The following SYNE2 variants were observed in gnomAD, a reference collection of about 807,000 sequenced individuals.
SYNE2 encodes nesprin-2.
In SYNE2, 431 loss-of-function variants were observed where a neutral mutation model predicts 856.3. The ratio of observed to expected loss-of-function variants is 0.50; its 90% CI spans 0.47 to 0.55. SYNE2 has a LOEUF of 0.55. Ranked by LOEUF, SYNE2 falls within the 20% of genes least tolerant of loss-of-function variation. The pLI, the probability that SYNE2 is intolerant of heterozygous loss-of-function variation, is 0.00. For synonymous variants in SYNE2, 2,923 were observed against 2,872.3 expected (o/e 1.02, Z -0.56); for missense variants, 8,129 against 8,023.2 (o/e 1.01, Z -0.50).
intron 1 of SYNE2, among the ~76,000 whole-genome samples, chr14:63,905,159 T>G (rs1435779859): frequency 6.6e-6 from 1 of 152,214 alleles, no homozygotes; most frequent in African/African-American, 2.4e-5. Context: ...TTTTGTTCTA[T>G]TGGTCTTTGT....
Position 64,120,952 on chromosome 14 carries a change from C to T in SYNE2, c.13049C>T (p.Ser4350Leu). ...DQHPTILKKSSEPEHQEALQP... is the reference protein window; with the variant it reads ...DQHPTILKKSLEPEHQEALQP... ...CATCCTACCATTCTAAAGAAATCCTCAGAGCCAGAGCATCAAGAAGCTCTC... is the reference window on the plus strand; with the variant it reads ...CATCCTACCATTCTAAAGAAATCCTTAGAGCCAGAGCATCAAGAAGCTCTC... Residue 4350 changes from serine (S) to leucine (L), a missense_variant, in exon 68 of 116, where the codon TCA becomes TTA. By Grantham distance (145) the Ser-to-Leu change is moderately radical. Transcript: ENST00000555002. The T allele has an allele frequency of 1.9e-6, 3 of 1,614,154 alleles. No homozygotes were observed. The highest frequency in any genetic ancestry group is 2.2e-5 in the East Asian group (1 of 44,894).
intron 99 of SYNE2, chr14:64,190,886 T>C (rs1375152844): frequency 2.9e-6 from 2 of 694,918 alleles, no homozygotes; most frequent in Non-Finnish European, 5.3e-6. Flanking sequence ...GCCCAAAATT[T>C]TTAAATGTCT....
At chr14:64,025,107 TA>T (rs2096967711) in intron 40 of SYNE2, 22 bp from the exon 41 acceptor site, 1 of 1,613,940 alleles carries the variant, frequency 6.2e-7, no homozygotes, top group Non-Finnish European at 8.5e-7. Context: ...CTATAAACTT[TA>T]AGTGGTATTT....
At position 64,063,469 on chromosome 14, in the gene SYNE2, G is replaced by A. The variant is rs144914949; in HGVS notation, c.10212+574G>A. Among the ~76,000 whole-genome samples the A allele has an allele frequency of 5.3e-4, 81 of 152,312 alleles. 1 individual carries two copies. Among genetic ancestry groups the A allele is most frequent in the African/African-American group, 1.5e-3 (64 of 41,566 alleles). The stretch of plus-strand genomic sequence containing the variant: ...CAATAGCATCCTGTCCTCACTGATG[G>A]CTTTTCTAAAGCATCACCTCTCATG... On this transcript the variant is annotated intron_variant, in intron 50 of 115. Transcript: ENST00000555002.
chr14:64,163,537 G>T lies in SYNE2; in HGVS notation c.16435G>T (p.Ala5479Ser). 2 of 1,614,156 alleles carry T rather than the reference G, an allele frequency of 1.2e-6. No homozygotes were observed. Among genetic ancestry groups the T allele is most frequent in the Non-Finnish European group, 1.7e-6 (2 of 1,180,026 alleles). The change falls in exon 89 of 116, where the codon GCT becomes TCT. Residue 5479 changes from alanine (A) to serine (S), a missense_variant. Coordinates refer to ENST00000555002, the MANE Select transcript of SYNE2 (RefSeq NM_182914.3). ...PGPLHSLQRA[A>S]YLEKMLLVKA... The stretch of plus-strand genomic sequence containing the variant: ...CCCCCTGCACTCTCTCCAGAGGGCT[G>T]CTTATTTGGAAAAGATGCTGCTTGT...
chr14:64,150,568 G>C (rs193226564), intron 84 of SYNE2, among the ~76,000 whole-genome samples: 1 of 151,918 alleles, frequency 6.6e-6, no homozygotes, highest in Admixed American at 6.6e-5. Context: ...GTGTGTGTGT[G>C]TGTTGTTACT....
At chr14:63,818,083 C>T (rs925474448) in intron 1 of SYNE2, among the ~76,000 whole-genome samples, 16 of 145,998 alleles carry the variant, frequency 1.1e-4, no homozygotes, top group Non-Finnish European at 1.9e-4. Flanking sequence ...AAGTGGCTCA[C>T]GCCTGTGATC....
chr14:64,219,497 G>A (rs117485241), intron 110 of SYNE2, 87 bp downstream of exon 110: 16,146 of 1,327,064 alleles, frequency 0.012, 137 homozygotes, highest in Non-Finnish European at 0.015. Flanking sequence ...CCATGTATTC[G>A]TGGCATAGGC....
intron 81 of SYNE2, among the ~76,000 whole-genome samples, 194 bp from the exon 82 acceptor site, chr14:64,141,748 A>G (rs569135015): frequency 2.0e-5 from 3 of 152,046 alleles, no homozygotes; most frequent in African/African-American, 2.4e-5. Context: ...CCACTGTGTT[A>G]GTTTATGTGA....
chr14:64,052,891 G>T lies in SYNE2; in HGVS notation c.8978G>T (p.Cys2993Phe). Reference protein sequence around the residue: ...NLKDRLTAIKCCILQVLKLKK... With the variant: ...NLKDRLTAIKFCILQVLKLKK... ...AAAGACAGACTCACCGCTATTAAGT[G>T]TTGCATCTTACAGGTATTGAAACTT... Residue 2993 changes from cysteine to phenylalanine, a missense_variant, in exon 48 of 116, where the codon TGT becomes TTT. By Grantham distance (205) the Cys-to-Phe change is radical (BLOSUM62 -2). Transcript: ENST00000555002. 1.9e-6 allele frequency: 3 copies of T among 1,613,732 alleles called. No individual in the cohort carries two copies. Among genetic ancestry groups the T allele is most frequent in the Non-Finnish European group, 2.5e-6 (3 of 1,179,952 alleles).
rs758178622 is a variant in SYNE2 at position 64,209,924 on chromosome 14, C to A, written c.18541-18C>A. ...GCACTCTGCATGCTTTGGCTCTGAC[C>A]CCTCCCATGTGATGCAGGCCTTTCA... On this transcript the variant is annotated intron_variant, in intron 102 of 115. Transcript: ENST00000555002. The A allele has an allele frequency of 6.2e-7, 1 of 1,613,854 alleles. No individual in the cohort carries two copies. The highest frequency in any genetic ancestry group is 8.5e-7 in the Non-Finnish European group (1 of 1,180,024).
chr14:63,990,432 A>C lies in SYNE2; in HGVS notation c.2335A>C (p.Met779Leu). The C allele has an allele frequency of 1.9e-6, 3 of 1,613,248 alleles. No individual in the cohort carries two copies. Among genetic ancestry groups the C allele is most frequent in the Non-Finnish European group, 2.5e-6 (3 of 1,179,870 alleles). ...ATAGCATCTTATTGCCAAAGGCTCT[A>C]TGTTTGATGAGCTTATGGCAAGAAG... ...SLKHLIAKGS[M>L]FDELMARSED... Residue 779 changes from methionine to leucine, a missense_variant, in exon 20 of 116, where the codon ATG (methionine) becomes CTG (leucine). Around this residue, in one of 3 missense-constraint regions of SYNE2, gnomAD observed 2,422 missense variants for 2,357.4 expected, o/e 1.03. Transcript: ENST00000555002.
chr14:64,219,129 A>G, intron 109 of SYNE2, 79 bp from the exon 110 acceptor site: 1 of 847,822 alleles, frequency 1.2e-6, no homozygotes, highest in Non-Finnish European at 1.7e-6. Context: ...TTTTTTAACC[A>G]CCCTGACCCC....
At chr14:64,112,918 CTGTTT>C (rs1330395084) in intron 65 of SYNE2, 3 of 771,348 alleles carry the variant, frequency 3.9e-6, no homozygotes, top group African/African-American at 3.8e-5. Flanking sequence ...AGATCGTGTT[CTGTTT>C]TGTTTTGTTT....
chr14:64,177,636 T>C (rs931915275), intron 96 of SYNE2, among the ~76,000 whole-genome samples, 153 bp downstream of exon 96: 1 of 152,240 alleles, frequency 6.6e-6, no homozygotes, highest in African/African-American at 2.4e-5. Context: ...TGCTCGTCTC[T>C]TAAGGAATTA....
intron 49 of SYNE2, among the ~76,000 whole-genome samples, chr14:64,059,136 A>G (rs2097296356): frequency 2.0e-5 from 3 of 152,154 alleles, no homozygotes; most frequent in Admixed American, 2.0e-4. Context: ...GAAAGGTCAC[A>G]TATTTCTCTC....
chr14:63,949,564 G>T (rs1048610534), intron 6 of SYNE2, among the ~76,000 whole-genome samples: 3 of 152,174 alleles, frequency 2.0e-5, no homozygotes, highest in Non-Finnish European at 2.9e-5. Context: ...TCAGGTGGAT[G>T]AATTGGTGAG....
At chr14:64,031,617 G>A (rs1016917389) in intron 45 of SYNE2, among the ~76,000 whole-genome samples, 7 of 152,118 alleles carry the variant, frequency 4.6e-5, no homozygotes, top group Admixed American at 6.5e-5. Flanking sequence ...ATCAGATACC[G>A]TTTCTTGGGT....
intron 14 of SYNE2, among the ~76,000 whole-genome samples, chr14:63,980,014 T>C (rs1353140284): frequency 6.6e-6 from 1 of 152,212 alleles, no homozygotes; most frequent in Non-Finnish European, 1.5e-5. Flanking sequence ...GTTTATGACT[T>C]AAACACTCTA....
Sources: gnomAD v4.1 joint callset for allele counts (sites outside exome capture counted in the v4.1 genomes callset) on GRCh38, gnomAD v4.1.1 for gene constraint, gnomAD v4.1.1 regional missense constraint, MANE v1.5 for transcripts, NCBI Gene and HGNC (gene_info 2026-07-23, HGNC 2026-07-21) for gene names.